The following TRHDE variants were observed in gnomAD, a reference collection of about 807,000 sequenced individuals.
The protein encoded by TRHDE is thyrotropin-releasing hormone-degrading ectoenzyme.
Under a neutral mutation model 125.7 loss-of-function variants are expected in TRHDE, and 72 were observed. That is an observed-to-expected ratio of 0.57 (90% confidence interval 0.47 to 0.70). The LOEUF (loss-of-function observed/expected upper bound fraction) is 0.70. Ranked by LOEUF, TRHDE falls within the 30% of genes least tolerant of loss-of-function variation. The pLI, the probability that TRHDE is intolerant of heterozygous loss-of-function variation, is 0.00. For synonymous variants in TRHDE, 509 were observed against 509.1 expected, an observed-to-expected ratio of 1.00 and a Z score of 0.00; for missense variants, 1,110 against 1,327.1, an observed-to-expected ratio of 0.84 and a Z score of 2.54.
chr12:72,346,307 G>A (rs1020693612), intron 2 of TRHDE, among the ~76,000 whole-genome samples: 3 of 152,052 alleles, frequency 2.0e-5, no homozygotes, highest in Non-Finnish European at 2.9e-5. Flanking sequence ...TGAGAGCAGA[G>A]AGGGTAGAGA....
intron 12 of TRHDE, among the ~76,000 whole-genome samples, chr12:72,605,216 A>G (rs1872386658): frequency 6.6e-6 from 1 of 152,126 alleles, no homozygotes. Flanking sequence ...ATTATAATAT[A>G]TAGGTGTTAG....
intron 6 of TRHDE, among the ~76,000 whole-genome samples, chr12:72,503,918 G>A (rs536211209): frequency 6.6e-6 from 1 of 152,138 alleles, no homozygotes; most frequent in South Asian, 2.1e-4. Context: ...TATTCTGACT[G>A]GTCAGTGAAG....
chr12:72,444,384 AT>A (rs924593169), intron 3 of TRHDE, among the ~76,000 whole-genome samples: 2 of 151,760 alleles, frequency 1.3e-5, no homozygotes, highest in African/African-American at 4.8e-5. Flanking sequence ...GTTCTGCTTA[AT>A]TTTTTTAAAG....
chr12:72,636,186 T>C (rs1873741533), intron 15 of TRHDE, among the ~76,000 whole-genome samples: 3 of 152,108 alleles, frequency 2.0e-5, no homozygotes, highest in African/African-American at 7.2e-5. Flanking sequence ...CATTGAGCAG[T>C]GGTTTGTAGT....
At chr12:72,412,229 C>T (rs1873543087) in intron 3 of TRHDE, among the ~76,000 whole-genome samples, 1 of 151,892 alleles carries the variant, frequency 6.6e-6, no homozygotes, top group African/African-American at 2.4e-5. Flanking sequence ...ATCAGCCAAA[C>T]AGAAAGACAA....
intron 2 of TRHDE, among the ~76,000 whole-genome samples, chr12:72,208,934 T>C (rs1877722442): frequency 6.6e-6 from 1 of 152,152 alleles, no homozygotes; most frequent in South Asian, 2.1e-4. Flanking sequence ...AACCCTCTTC[T>C]TCAATGCTAT....
chr12:72,203,698 G>A (rs140808151), intron 2 of TRHDE, among the ~76,000 whole-genome samples: 2 of 152,204 alleles, frequency 1.3e-5, no homozygotes, highest in East Asian at 3.9e-4. Context: ...TTACTAACTT[G>A]GAGCTCAGGA....
At chr12:72,501,114 C>T (rs934703401) in intron 6 of TRHDE, among the ~76,000 whole-genome samples, 10 of 151,282 alleles carry the variant, frequency 6.6e-5, no homozygotes, top group African/African-American at 9.7e-5. Context: ...CAGATTTATC[C>T]CTAAGTATTT....
At chr12:72,624,813 A>T (rs1873192803) in intron 15 of TRHDE, among the ~76,000 whole-genome samples, 1 of 151,948 alleles carries the variant, frequency 6.6e-6, no homozygotes, top group Admixed American at 6.6e-5. Flanking sequence ...TCAACAAAAA[A>T]GCACATTTCA....
chr12:72,510,085 T>G (rs1725591129), intron 6 of TRHDE, among the ~76,000 whole-genome samples: 1 of 152,158 alleles, frequency 6.6e-6, no homozygotes, highest in African/African-American at 2.4e-5. Context: ...CCCCCTTCTG[T>G]GAGCTCAGCT....
At chr12:72,324,625 A>C (rs1298340303) in intron 2 of TRHDE, among the ~76,000 whole-genome samples, 1 of 152,168 alleles carries the variant, frequency 6.6e-6, no homozygotes, top group Non-Finnish European at 1.5e-5. Flanking sequence ...ACTGTGCTCC[A>C]TTTGTGACAT....
At chr12:72,516,748 T>A (rs1354495396) in intron 6 of TRHDE, among the ~76,000 whole-genome samples, 1 of 151,758 alleles carries the variant, frequency 6.6e-6, no homozygotes, top group African/African-American at 2.4e-5. Context: ...TGCTTCCAGT[T>A]TTTGCCCATT....
At chr12:72,570,670 A>T (rs1870681122) in intron 10 of TRHDE, among the ~76,000 whole-genome samples, 1 of 151,186 alleles carries the variant, frequency 6.6e-6, no homozygotes. Flanking sequence ...GCTTTCCTTT[A>T]CAGTCTTTCA....
rs181511443 is a variant in TRHDE at position 72,571,403 on chromosome 12, A to G, written c.2131+2747A>G. Among the ~76,000 whole-genome samples, 154 of 152,324 alleles carry G rather than the reference A, an allele frequency of 1.0e-3. 1 individual carries two copies. The highest frequency in any genetic ancestry group is 3.5e-3 in the African/African-American group (147 of 41,582). The stretch of plus-strand genomic sequence containing the variant: ...GATTTTATCTACATGATATTAAGGC[A>G]GTCAGTGGTGGATAATATAAAGTAC... On this transcript the variant is annotated intron_variant, in intron 10 of 18. Coordinates refer to ENST00000261180, the MANE Select transcript of TRHDE (RefSeq NM_013381.3).
chr12:72,240,283 C>T (rs10879379), intron 2 of TRHDE, among the ~76,000 whole-genome samples: 39,500 of 147,530 alleles, frequency 0.27, 5,432 homozygotes, highest in South Asian at 0.33. Context: ...GCTAACATTT[C>T]AGGGTATGTC....
chr12:72,372,263 T>G (rs1335420311), intron 2 of TRHDE, among the ~76,000 whole-genome samples: 5 of 152,158 alleles, frequency 3.3e-5, no homozygotes, highest in Non-Finnish European at 7.3e-5. Flanking sequence ...TAAATTTGTT[T>G]GAGTTCATTG....
chr12:72,356,939 G>A (rs114986305), intron 2 of TRHDE, among the ~76,000 whole-genome samples: 2,678 of 151,440 alleles, frequency 0.018, 93 homozygotes, highest in African/African-American at 0.059. Context: ...CTATATTTTC[G>A]GAAATGCATA....
intron 2 of TRHDE, chr12:72,253,817 T>C (rs1330993752): frequency 6.6e-6 from 1 of 152,172 alleles, no homozygotes. Flanking sequence ...AGCCTGCCAA[T>C]TCTTCCTCCT....
At chr12:72,615,827 T>C (rs1277205571) in intron 12 of TRHDE, among the ~76,000 whole-genome samples, 1 of 152,126 alleles carries the variant, frequency 6.6e-6, no homozygotes, top group East Asian at 1.9e-4. Flanking sequence ...ATTGACATGG[T>C]CATGCAGTCA....
Sources: allele counts gnomAD v4.1 joint callset (sites outside exome capture counted in the v4.1 genomes callset), GRCh38; gene constraint gnomAD v4.1.1; transcripts MANE v1.5; gene names NCBI Gene and HGNC (gene_info 2026-07-23, HGNC 2026-07-21).